The following TAOK1 variants were observed in gnomAD, a reference collection of about 807,000 sequenced individuals.
TAOK1 encodes TAO kinase 1.
TAOK1 carries 21 observed loss-of-function variants against 138.3 expected under a neutral mutation model. The ratio of observed to expected loss-of-function variants is 0.15; its 90% CI spans 0.11 to 0.22. The LOEUF (loss-of-function observed/expected upper bound fraction) is 0.22, where lower values mean the gene tolerates loss of function less well. Ranked by LOEUF, TAOK1 falls within the 10% of genes least tolerant of loss-of-function variation. The pLI is 1.00. For missense variants in TAOK1, 651 were observed against 1,227.7 expected (o/e 0.53, Z 7.02); for synonymous variants, 361 against 398.4 (o/e 0.91, Z 1.12).
intron 1 of TAOK1, among the ~76,000 whole-genome samples, chr17:29,402,110 T>C (rs186224962): frequency 8.8e-4 from 134 of 152,284 alleles, no homozygotes; most frequent in African/African-American, 3.1e-3. Flanking sequence ...ATATTTACCT[T>C]TCCTAGGTTT....
rs761962930 is a variant in TAOK1, at chr17:29,468,135, A to ATTTTTTTTTT, written c.204+927_204+936dup. Among the ~76,000 whole-genome samples the ATTTTTTTTTT allele has an allele frequency of 2.5e-3, 187 of 76,056 alleles. 38 individuals are homozygous for ATTTTTTTTTT. The highest frequency in any genetic ancestry group is 0.02 in the South Asian group (45 of 2,204). The allele number at this position is 76,056 out of a possible 152,430, so 49.9% of individuals were successfully genotyped here. ...AACCACTGTGCTTGGCCTGCTTTCA[A>ATTTTTTTTTT]TTTTTTTTTTTTTTTTTAGGAGCTG... On this transcript the variant is annotated intron_variant, in intron 3 of 19. Coordinates refer to ENST00000261716, the MANE Select transcript of TAOK1 (RefSeq NM_020791.4).
chr17:29,401,651 C>A (rs1347673524), intron 1 of TAOK1, among the ~76,000 whole-genome samples: 1 of 115,572 alleles, frequency 8.7e-6, no homozygotes, highest in East Asian at 4.2e-4. Context: ...ATATCACTTT[C>A]TTTTTCTTCT....
At chr17:29,452,133 C>T (rs904086843) in intron 2 of TAOK1, among the ~76,000 whole-genome samples, 1 of 152,006 alleles carries the variant, frequency 6.6e-6, no homozygotes, top group East Asian at 1.9e-4. Context: ...AGAGAATCAC[C>T]TGAGCCCAAG....
At chr17:29,460,907 A>C (rs983813840) in intron 2 of TAOK1, among the ~76,000 whole-genome samples, 1 of 152,186 alleles carries the variant, frequency 6.6e-6, no homozygotes, top group Non-Finnish European at 1.5e-5. Flanking sequence ...TGATAAGATA[A>C]AGGGCGCATG....
chr17:29,546,722 GTGTC>G lies in TAOK1; in HGVS notation c.*3704_*3707del, dbSNP rs962032340. On this transcript the variant is annotated 3_prime_UTR_variant, in exon 20 of 20. Coordinates refer to ENST00000261716, the MANE Select transcript of TAOK1 (RefSeq NM_020791.4). ...ATGTATATATTGTATATACATATGA[GTGTC>G]TGTATGTGTGTATAGATGGATGGAT... is the stretch of plus-strand genomic sequence containing the variant. 9 of 152,040 alleles carry G rather than the reference GTGTC, an allele frequency of 5.9e-5. No homozygotes were observed. Among genetic ancestry groups the G allele is most frequent in the Admixed American group, 2.0e-4 (3 of 15,244 alleles). The allele number at this position is 152,040 out of a possible 1,614,324, so 9.4% of individuals were successfully genotyped here.
At chr17:29,456,959 T>C (rs1479020353) in intron 2 of TAOK1, among the ~76,000 whole-genome samples, 1 of 150,142 alleles carries the variant, frequency 6.7e-6, no homozygotes, top group African/African-American at 2.5e-5. Context: ...GGTCTCGATC[T>C]CCTGGTCTTG....
chr17:29,491,926 C>A, intron 10 of TAOK1, 61 bp downstream of exon 10: 3 of 1,333,320 alleles, frequency 2.3e-6, no homozygotes, highest in Non-Finnish European at 3.2e-6. Context: ...ACTTTGTCAC[C>A]CAGGCTGGAG....
intron 3 of TAOK1, among the ~76,000 whole-genome samples, chr17:29,469,900 T>TA (rs780264130): frequency 6.6e-6 from 1 of 152,208 alleles, no homozygotes; most frequent in Non-Finnish European, 1.5e-5. Context: ...TAGCATTTTA[T>TA]AATGTATCTT....
intron 1 of TAOK1, among the ~76,000 whole-genome samples, chr17:29,409,631 C>A (rs951159894): frequency 3.3e-5 from 5 of 152,034 alleles, no homozygotes; most frequent in Non-Finnish European, 7.4e-5. Flanking sequence ...CCGCACCCAG[C>A]CTATGGACGT....
chr17:29,394,159 T>TTTTTG (rs1904517813), intron 1 of TAOK1, among the ~76,000 whole-genome samples: 2 of 108,324 alleles, frequency 1.8e-5, no homozygotes, highest in Non-Finnish European at 3.6e-5. Context: ...AGTTTTTTTT[T>TTTTTG]TTTTTTTTTT....
intron 16 of TAOK1, 96 bp downstream of exon 16, chr17:29,517,752 A>G (rs2031843618): frequency 2.7e-6 from 3 of 1,129,884 alleles, no homozygotes; most frequent in South Asian, 1.6e-5. Context: ...CTTTGCACTT[A>G]TACTTGCCTC....
chr17:29,492,569 G>A (rs1336064274), intron 10 of TAOK1, among the ~76,000 whole-genome samples: 1 of 151,930 alleles, frequency 6.6e-6, no homozygotes, highest in Non-Finnish European at 1.5e-5. Context: ...GAGGCAGGCC[G>A]ATCGCGAAGT....
intron 8 of TAOK1, among the ~76,000 whole-genome samples, chr17:29,488,438 C>T (rs1017346413): frequency 7.3e-5 from 11 of 151,712 alleles, no homozygotes; most frequent in Non-Finnish European, 5.9e-5. Flanking sequence ...GGCGTGGCAG[C>T]GCACTCCTGT....
At chr17:29,469,321 G>A (rs887347485) in intron 3 of TAOK1, among the ~76,000 whole-genome samples, 9 of 85,542 alleles carry the variant, frequency 1.1e-4, no homozygotes, top group South Asian at 3.9e-4. Flanking sequence ...TTTAATTGTG[G>A]TAAAATACAA....
intron 13 of TAOK1, 99 bp from the exon 14 acceptor site, chr17:29,507,797 A>G (rs2031653176): frequency 2.0e-5 from 21 of 1,069,546 alleles, no homozygotes; most frequent in Non-Finnish European, 2.7e-5. Context: ...GGGATATTTT[A>G]CACTAATTCC....
Position 29,451,572 on chromosome 17 carries a change from C to T in TAOK1, c.24C>T (p.Gly8=). The stretch of plus-strand genomic sequence containing the variant: ...GGATGCCATCAACTAACAGAGCAGG[C>T]AGCCTGAAGGACCCTGAAATTGCAG... MPSTNRA[G]SLKDPEIAEL... is the part of the protein sequence containing the mutation. The change falls in exon 2 of 20, where the codon GGC becomes GGT. Residue 8 remains glycine (G), a synonymous_variant. Transcript: ENST00000261716. 6.2e-7 allele frequency: 1 copy of T among 1,612,654 alleles called. No homozygotes were observed. Among genetic ancestry groups the T allele is most frequent in the Non-Finnish European group, 8.5e-7 (1 of 1,179,408 alleles).
intron 2 of TAOK1, among the ~76,000 whole-genome samples, chr17:29,459,043 A>G (rs1389937955): frequency 2.6e-5 from 4 of 151,960 alleles, no homozygotes; most frequent in Admixed American, 6.6e-5. Flanking sequence ...TTTACTAGAG[A>G]TGGGGTTTCA....
chr17:29,524,667 C>G (rs2031977665), intron 17 of TAOK1, among the ~76,000 whole-genome samples: 1 of 152,224 alleles, frequency 6.6e-6, no homozygotes, highest in African/African-American at 2.4e-5. Context: ...CAAGTCATCA[C>G]ATTTCTATTT....
At chr17:29,429,060 G>A in intron 1 of TAOK1, among the ~76,000 whole-genome samples, 1 of 152,078 alleles carries the variant, frequency 6.6e-6, no homozygotes, top group East Asian at 1.9e-4. Context: ...GGTGCTGCAG[G>A]CAGGTGCTAT....
Sources: gnomAD v4.1 joint callset for allele counts (sites outside exome capture counted in the v4.1 genomes callset) on GRCh38, gnomAD v4.1.1 for gene constraint, MANE v1.5 for transcripts, NCBI Gene and HGNC (gene_info 2026-07-23, HGNC 2026-07-21) for gene names.